CSE1L: variants seen among roughly 807,000 people sequenced by gnomAD.
The protein encoded by CSE1L is chromosome segregation 1 like.
In CSE1L, 24 loss-of-function variants were observed where a neutral mutation model predicts 120.4. That is an observed-to-expected ratio of 0.20 (90% CI 0.14 to 0.28). CSE1L has a LOEUF of 0.28. CSE1L is among the 10% of genes least tolerant of loss of function. The pLI is 1.00. For synonymous variants in CSE1L, 402 were observed against 398.3 expected (o/e 1.01, Z -0.11); for missense variants, 830 against 1,145.2 (o/e 0.72, Z 3.97).
At chr20:49,079,526 C>T (rs2091994347) in intron 14 of CSE1L, among the ~76,000 whole-genome samples, 1 of 152,042 alleles carries the variant, frequency 6.6e-6, no homozygotes, top group Admixed American at 6.6e-5. Context: ...CTGCACCTGG[C>T]CTCTACCCTT....
intron 1 of CSE1L, among the ~76,000 whole-genome samples, chr20:49,055,559 A>T (rs936351396): frequency 6.6e-6 from 1 of 152,152 alleles, no homozygotes; most frequent in Non-Finnish European, 1.5e-5. Flanking sequence ...TCTACAAAAA[A>T]TACAAAAATT....
intron 3 of CSE1L, among the ~76,000 whole-genome samples, chr20:49,065,523 T>G (rs1367968209): frequency 6.6e-6 from 1 of 150,444 alleles, no homozygotes; most frequent in African/African-American, 2.4e-5. Context: ...TTTCACCATG[T>G]TGGCCAGGCT....
In CSE1L at chr20:49,058,174, C is replaced by A. The variant is rs117291268; in HGVS notation, c.-11-279C>A. On this transcript the variant is annotated intron_variant, in intron 1 of 24. Coordinates refer to ENST00000262982, the MANE Select transcript of CSE1L (RefSeq NM_001316.4). Reference sequence around the variant, plus strand: ...AATCATATAAACTTCTTGGTGACTTCGAGCAGTCCTTCAGCTTTTTTTTCT... The same window carrying A: ...AATCATATAAACTTCTTGGTGACTTAGAGCAGTCCTTCAGCTTTTTTTTCT... 1.8e-3 allele frequency among the ~76,000 whole-genome samples: 274 copies of A among 152,142 alleles called. 1 individual carries two copies. The highest frequency in any genetic ancestry group is 3.2e-3 in the Non-Finnish European group (216 of 68,016).
At chr20:49,080,779 T>C (rs1170732866) in intron 14 of CSE1L, among the ~76,000 whole-genome samples, 1 of 152,010 alleles carries the variant, frequency 6.6e-6, no homozygotes, top group East Asian at 1.9e-4. Context: ...CCCGGCCTTA[T>C]TCATTTATTT....
intron 17 of CSE1L, among the ~76,000 whole-genome samples, chr20:49,088,373 A>G (rs913796498): frequency 1.3e-5 from 2 of 152,244 alleles, no homozygotes; most frequent in Non-Finnish European, 2.9e-5. Flanking sequence ...GAAAGTGCAG[A>G]TGATCCAAAA....
chr20:49,072,684 C>T lies in CSE1L; in HGVS notation c.1053C>T (p.Asn351=). Residue 351 remains asparagine (N), a synonymous_variant, in exon 10 of 25, where the codon AAC becomes AAT. Coordinates refer to ENST00000262982, the MANE Select transcript of CSE1L (RefSeq NM_001316.4). ...TSICEKVIVP[N]MEFRAADEEA... The stretch of plus-strand genomic sequence containing the variant: ...TCTGTGAAAAGGTTATTGTGCCTAA[C>T]ATGGAATTTAGAGGTAATTATGGCA... 5.0e-6 allele frequency: 8 copies of T among 1,608,808 alleles called. No homozygotes were observed. The highest frequency in any genetic ancestry group is 6.8e-6 in the Non-Finnish European group (8 of 1,178,654).
intron 12 of CSE1L, 100 bp downstream of exon 12, chr20:49,075,620 C>T: frequency 1.1e-6 from 1 of 883,998 alleles, no homozygotes; most frequent in Non-Finnish European, 1.8e-6. Context: ...CTTACTCTGC[C>T]AGATAACCTA....
chr20:49,079,697 G>A (rs1230347180), intron 14 of CSE1L, among the ~76,000 whole-genome samples: 2 of 152,078 alleles, frequency 1.3e-5, no homozygotes, highest in Admixed American at 1.3e-4. Flanking sequence ...CCACATTTGG[G>A]CCTGCGGAAT....
At chr20:49,076,520 CTTTTTTTTTTTT>C (rs35713931) in intron 12 of CSE1L, among the ~76,000 whole-genome samples, 4 of 79,578 alleles carry the variant, frequency 5.0e-5, no homozygotes, top group East Asian at 3.9e-4. Flanking sequence ...CCCTCTCTCT[CTTTTTTTTTTTT>C]TTTTTTTTTT....
intron 14 of CSE1L, among the ~76,000 whole-genome samples, chr20:49,080,899 C>T (rs369178226): frequency 6.6e-6 from 1 of 152,156 alleles, no homozygotes; most frequent in Admixed American, 6.6e-5. Flanking sequence ...CCTAAGCCTC[C>T]CTGAGTAGCC....
Position 49,072,627 on chromosome 20 carries a change from T to A in CSE1L, c.996T>A (p.Asn332Lys), listed in dbSNP as rs764572015. ...TTTGTGAGAGACCTCATTATAAGAA[T>A]CTATTTGAGGACCAGAACACGCTGA... is the stretch of plus-strand genomic sequence containing the variant. ...ASVCERPHYK[N>K]LFEDQNTLTS... Residue 332 changes from asparagine to lysine, a missense_variant, in exon 10 of 25, where the codon AAT becomes AAA. By Grantham distance (94) the Asn-to-Lys change is moderately conservative. This residue lies in a region of CSE1L where 543 missense variants were observed against 640.2 expected (regional missense o/e 0.85). Transcript: ENST00000262982. 1.2e-6 allele frequency: 2 copies of A among 1,613,830 alleles called. No individual in the cohort carries two copies. Among genetic ancestry groups the A allele is most frequent in the Non-Finnish European group, 1.7e-6 (2 of 1,179,970 alleles).
In CSE1L at chr20:49,085,562, A is replaced by ATTTTTTTTTTTTTTTTT. The variant is rs11471947; in HGVS notation, c.1723+187_1723+203dup. ...ATTATCTTGTTTACTACTAACAATA[A>ATTTTTTTTTTTTTTTTT]TTTTTTTTTTTTTTTTTTTTTTTTT... On this transcript the variant is annotated intron_variant, in intron 16 of 24. Coordinates refer to ENST00000262982, the MANE Select transcript of CSE1L (RefSeq NM_001316.4). 4.9e-4 allele frequency among the ~76,000 whole-genome samples: 39 copies of ATTTTTTTTTTTTTTTTT among 80,252 alleles called. 9 individuals are homozygous for ATTTTTTTTTTTTTTTTT. Among genetic ancestry groups the ATTTTTTTTTTTTTTTTT allele is most frequent in the African/African-American group, 7.0e-4 (16 of 22,974 alleles). The allele number at this position is 80,252 out of a possible 152,430, so 52.6% of individuals were successfully genotyped here. A position where few individuals can be genotyped will look rare whatever the true frequency, so the allele number is the denominator to read the frequency against.
At position 49,063,203 on chromosome 20, in the gene CSE1L, T is replaced by C. The variant is rs1233409259; in HGVS notation, c.87T>C (p.Ala29=). The C allele has an allele frequency of 1.9e-6, 3 of 1,574,014 alleles. No individual in the cohort carries two copies. Among genetic ancestry groups the C allele is most frequent in the Non-Finnish European group, 1.7e-6 (2 of 1,165,732 alleles). ...LDPDPAIRRP[A]EKFLESVEGN... is the part of the protein sequence containing the mutation. Reference sequence around the variant, plus strand: ...TTTAACATGAAAATTCTTTTACAGCTGAGAAATTTCTTGAATCTGTTGAAG... The same window carrying C: ...TTTAACATGAAAATTCTTTTACAGCCGAGAAATTTCTTGAATCTGTTGAAG... The change falls in exon 3 of 25, where the codon GCT becomes GCC. Residue 29 remains alanine (A), a splice_region_variant and synonymous_variant. Transcript: ENST00000262982.
rs1439782338 is a variant in CSE1L at position 49,084,147 on chromosome 20, C to T, written c.1604C>T (p.Pro535Leu). ...GAACGGCTCTTTACTATGCGAGGGC[C>T]TAACAATGCCACTCTGTGAGTATTT... is the stretch of plus-strand genomic sequence containing the variant. ...ALERLFTMRG[P>L]NNATLFTAAE... The change falls in exon 15 of 25, where the codon CCT becomes CTT. Residue 535 changes from proline (P) to leucine (L), a missense_variant. Physicochemically the swap from Pro to Leu is moderately conservative, Grantham distance 98. Around this residue, in one of 4 missense-constraint regions of CSE1L, gnomAD observed 543 missense variants for 640.2 expected, o/e 0.85. Coordinates refer to ENST00000262982, the MANE Select transcript of CSE1L (RefSeq NM_001316.4). 1 of 1,613,952 alleles carries T rather than the reference C, an allele frequency of 6.2e-7. No homozygotes were observed. The highest frequency in any genetic ancestry group is 1.1e-5 in the South Asian group (1 of 91,052).
At position 49,088,062 on chromosome 20, in the gene CSE1L, A is replaced by T; in HGVS notation, c.1777A>T (p.Thr593Ser). The T allele has an allele frequency of 6.2e-7, 1 of 1,612,664 alleles. No individual in the cohort carries two copies. The highest frequency in any genetic ancestry group is 8.5e-7 in the Non-Finnish European group (1 of 1,179,402). ...AGAAGCCATAATCCCCTACATCCCTACTCTCATCACTCAGCTTACACAGAA... is the reference window on the plus strand; with the variant it reads ...AGAAGCCATAATCCCCTACATCCCTTCTCTCATCACTCAGCTTACACAGAA... The part of the protein sequence containing the change: ...LQEAIIPYIP[T>S]LITQLTQKLL... The change falls in exon 17 of 25, where the codon ACT (threonine) becomes TCT (serine). Residue 593 changes from threonine (T) to serine (S), a missense_variant. Thr to Ser is a moderately conservative substitution (Grantham distance 58, BLOSUM62 1). Transcript: ENST00000262982.
At position 49,052,398 on chromosome 20, in the gene CSE1L, G is replaced by A. The variant is rs182744662; in HGVS notation, c.-12+5975G>A. Among the ~76,000 whole-genome samples, 36 of 152,284 alleles carry A rather than the reference G, an allele frequency of 2.4e-4. 1 individual carries two copies. The highest frequency in any genetic ancestry group is 7.2e-4 in the Admixed American group (11 of 15,284). On this transcript the variant is annotated intron_variant, in intron 1 of 24. Transcript: ENST00000262982. ...AACAAGGATGATGTAGATGGTAATC[G>A]TAGAAGGCCTTTTTGAAGAGTTGAC...
intron 5 of CSE1L, among the ~76,000 whole-genome samples, 152 bp from the exon 6 acceptor site, chr20:49,067,031 CAAAAAAA>C (rs60161542): frequency 6.9e-5 from 7 of 100,800 alleles, no homozygotes; most frequent in African/African-American, 1.3e-4. Context: ...GACTCCGTCT[CAAAAAAA>C]AAAAAAAAAA....
chr20:49,073,830 C>T lies in CSE1L; in HGVS notation c.1067-955C>T, dbSNP rs1600611352. Among the ~76,000 whole-genome samples, 3 of 152,144 alleles carry T rather than the reference C, an allele frequency of 2.0e-5. No homozygotes were observed. The South Asian group carries it at 6.2e-4, about 32-fold the overall frequency. On this transcript the variant is annotated intron_variant, in intron 10 of 24. Coordinates refer to ENST00000262982, the MANE Select transcript of CSE1L (RefSeq NM_001316.4). The stretch of plus-strand genomic sequence containing the variant: ...AAATAGTTATTAGATCAGTGGTTTT[C>T]AAATTACATCTGGAACAAAATAAGG...
chr20:49,066,526 T>G lies in CSE1L; in HGVS notation c.476+16T>G, dbSNP rs1216865676. On this transcript the variant is annotated intron_variant, in intron 5 of 24. Transcript: ENST00000262982. ...TATTTAAAAGGTATTGATGCATAGA[T>G]TCATGTTTTTAAAATACTTTCTAAA... 1.3e-6 allele frequency: 2 copies of G among 1,580,560 alleles called. No individual in the cohort carries two copies. Among genetic ancestry groups the G allele is most frequent in the Admixed American group, 1.9e-5 (1 of 52,668 alleles).
Sources: allele counts gnomAD v4.1 joint callset (sites outside exome capture counted in the v4.1 genomes callset), GRCh38; gene constraint gnomAD v4.1.1; regional missense constraint gnomAD v4.1.1; transcripts MANE v1.5; gene names NCBI Gene and HGNC (gene_info 2026-07-23, HGNC 2026-07-21).